Variants in NHSL1 observed in about 807,000 individuals in gnomAD.
The protein encoded by NHSL1 is NHS like 1.
A neutral mutation model predicts 95.0 loss-of-function variants in NHSL1; 48 were observed. That is an observed-to-expected ratio of 0.51 (90% confidence interval 0.40 to 0.64). The LOEUF (loss-of-function observed/expected upper bound fraction) is 0.64. Among genes scored for constraint, NHSL1 ranks in the 30% least tolerant of loss-of-function variants. The pLI is 0.00. For missense variants in NHSL1, 1,971 were observed against 2,077.7 expected (o/e 0.95, Z 1.00); for synonymous variants, 783 against 833.9 (o/e 0.94, Z 1.05).
chr6:138,688,215 G>C (rs1785612993), intron 1 of NHSL1, among the ~76,000 whole-genome samples: 1 of 152,058 alleles, frequency 6.6e-6, no homozygotes, highest in African/African-American at 2.4e-5. Flanking sequence ...GCCTCCCAAA[G>C]TACTGTAATT....
intron 1 of NHSL1, among the ~76,000 whole-genome samples, chr6:138,666,175 C>A (rs527592345): frequency 2.0e-5 from 3 of 152,226 alleles, no homozygotes; most frequent in Admixed American, 6.5e-5. Context: ...TGGTGGTGCA[C>A]GCCTGTAATC....
chr6:138,536,242 C>G (rs1047042373), intron 1 of NHSL1, among the ~76,000 whole-genome samples: 1 of 152,174 alleles, frequency 6.6e-6, no homozygotes, highest in African/African-American at 2.4e-5. Flanking sequence ...TATGGTTTCA[C>G]AAAGGTGAGT....
rs547877135 is a variant in NHSL1, at chr6:138,553,208, GTGACCCCCTT to G, written c.202+18492_202+18501del. Among the ~76,000 whole-genome samples, 19 of 152,264 alleles carry G rather than the reference GTGACCCCCTT, an allele frequency of 1.2e-4. 2 individuals carry two copies. In the South Asian group the frequency reaches 3.9e-3, roughly 32 times the overall value. On this transcript the variant is annotated intron_variant, in intron 1 of 6. Coordinates refer to the NHSL1 transcript ENST00000427025. ...AACTATTCTGGATGTATCCCATTAA[GTGACCCCCTT>G]GGTAAGCTCTGCGTCATATTCCATA...
Position 138,430,625 on chromosome 6 carries a change from G to T in NHSL1, c.3720C>A (p.Ser1240Arg). Residue 1240 changes from serine (S) to arginine (R), a missense_variant, in exon 6 of 8, where the codon AGC becomes AGA. Ser to Arg is a moderately radical substitution (Grantham distance 110). Coordinates refer to ENST00000343505, the MANE Select transcript of NHSL1 (RefSeq NM_001144060.2). The surrounding 1 kb of genome is among the most constrained non-coding windows in gnomAD (Gnocchi z 4.7). ...CTGCAGAACTCTCTTTTGCCTCCCTGCTGTGCACAGAGCCCTCCTCTCCCG... is the reference window on the plus strand; with the variant it reads ...CTGCAGAACTCTCTTTTGCCTCCCTTCTGTGCACAGAGCCCTCCTCTCCCG... ...PTTGEEGSVHSREAKESSAAQ... is the reference protein window; with the variant it reads ...PTTGEEGSVHRREAKESSAAQ... 1 of 1,551,536 alleles carries T rather than the reference G, an allele frequency of 6.4e-7. No individual in the cohort carries two copies. The highest frequency in any genetic ancestry group is 8.7e-7 in the Non-Finnish European group (1 of 1,146,920).
Position 138,423,810 on chromosome 6 carries a change from T to G in NHSL1, c.*271A>C. The stretch of plus-strand genomic sequence containing the variant: ...AAAATGCACACATACACACCCAGCA[T>G]TTAGCAAAAAAAAAAAAAAAAAAAA... On this transcript the variant is annotated 3_prime_UTR_variant, in exon 8 of 8. Coordinates refer to ENST00000343505, the MANE Select transcript of NHSL1 (RefSeq NM_001144060.2). The G allele has an allele frequency of 3.2e-6, 1 of 312,148 alleles. No individual in the cohort carries two copies. 19.3% of individuals were successfully genotyped at this position (312,148 alleles called of 1,614,324 possible).
upstream of NHSL1, among the ~76,000 whole-genome samples, chr6:138,503,536 C>G (rs9495096): frequency 0.12 from 18,737 of 152,124 alleles, 3,449 homozygotes; most frequent in African/African-American, 0.4. Flanking sequence ...CACCACCACA[C>G]CCATTTGTTC....
chr6:138,601,406 C>G (rs181460354), intron 1 of NHSL1, among the ~76,000 whole-genome samples: 1 of 152,340 alleles, frequency 6.6e-6, no homozygotes, highest in East Asian at 1.9e-4. Flanking sequence ...CATCCCTAGA[C>G]ACTTGTGTGG....
intron 2 of NHSL1, among the ~76,000 whole-genome samples, chr6:138,489,825 GGAGAGAGA>G (rs1252989861): frequency 1.6e-4 from 12 of 76,212 alleles, no homozygotes; most frequent in African/African-American, 5.7e-4. Flanking sequence ...AGGGAGAGAG[GGAGAGAGA>G]GAGAGAGAGA....
intron 1 of NHSL1, among the ~76,000 whole-genome samples, chr6:138,599,309 C>T (rs1784341312): frequency 6.6e-6 from 1 of 152,094 alleles, no homozygotes; most frequent in African/African-American, 2.4e-5. Context: ...GTCAAGAGTT[C>T]GAGACCAGCC....
At chr6:138,438,763 T>C (rs559610416) in intron 5 of NHSL1, among the ~76,000 whole-genome samples, 1 of 152,302 alleles carries the variant, frequency 6.6e-6, no homozygotes, top group East Asian at 1.9e-4. Flanking sequence ...TAAAAAGTCT[T>C]GTCAAGTAGA....
intron 3 of NHSL1, among the ~76,000 whole-genome samples, chr6:138,455,169 T>C (rs1005553330): frequency 8.5e-5 from 13 of 152,250 alleles, no homozygotes; most frequent in Admixed American, 3.9e-4. Context: ...GACTCATTTG[T>C]GTTTCTACAG....
chr6:138,613,829 G>C (rs536189115), intron 1 of NHSL1, among the ~76,000 whole-genome samples: 2 of 152,200 alleles, frequency 1.3e-5, no homozygotes, highest in African/African-American at 4.8e-5. Flanking sequence ...TGGGTCAGTC[G>C]TCGGCCCACA....
intron 1 of NHSL1, among the ~76,000 whole-genome samples, chr6:138,690,569 T>G (rs1481216777): frequency 6.6e-6 from 1 of 152,024 alleles, no homozygotes; most frequent in Non-Finnish European, 1.5e-5. Flanking sequence ...GGCGAAACCC[T>G]GTCTCTACTA....
At chr6:138,633,448 A>G (rs1404118025) in intron 1 of NHSL1, among the ~76,000 whole-genome samples, 1 of 152,254 alleles carries the variant, frequency 6.6e-6, no homozygotes, top group Non-Finnish European at 1.5e-5. Context: ...AAGGAAAAAG[A>G]AACAGCATAC....
chr6:138,648,747 A>T (rs1785051603), intron 1 of NHSL1, among the ~76,000 whole-genome samples: 1 of 152,334 alleles, frequency 6.6e-6, no homozygotes, highest in African/African-American at 2.4e-5. Context: ...TCACTGTAAC[A>T]GATCATAAGA....
chr6:138,484,602 T>C (rs544932794), intron 2 of NHSL1, among the ~76,000 whole-genome samples: 1 of 152,322 alleles, frequency 6.6e-6, no homozygotes, highest in South Asian at 2.1e-4. Context: ...TTCCCCCATG[T>C]CTTGGGACCA....
chr6:138,477,919 G>A (rs1028705083), intron 2 of NHSL1, among the ~76,000 whole-genome samples: 2 of 148,260 alleles, frequency 1.3e-5, no homozygotes, highest in African/African-American at 5.0e-5. Context: ...AAGCATGAAA[G>A]ACCAGCAACT....
intron 1 of NHSL1, among the ~76,000 whole-genome samples, chr6:138,558,298 A>G (rs1783274192): frequency 6.8e-6 from 1 of 148,020 alleles, no homozygotes; most frequent in African/African-American, 2.5e-5. Flanking sequence ...AATTTTTTGT[A>G]TTTTTAGTAG....
At chr6:138,462,872 G>A (rs964517431) in intron 3 of NHSL1, among the ~76,000 whole-genome samples, 4 of 152,216 alleles carry the variant, frequency 2.6e-5, no homozygotes, top group African/African-American at 9.6e-5. Context: ...AGCCAGCAGA[G>A]TTGAAAATGT....
Sources: gnomAD v4.1 joint callset for allele counts (sites outside exome capture counted in the v4.1 genomes callset) on GRCh38, gnomAD v4.1.1 for gene constraint, Gnocchi (gnomAD v3.1) non-coding constraint, MANE v1.5 for transcripts, NCBI Gene and HGNC (gene_info 2026-07-23, HGNC 2026-07-21) for gene names.